FBXO34: variants seen among roughly 807,000 people sequenced by gnomAD.
FBXO34 encodes F-box only protein 34.
A neutral mutation model predicts 24.5 loss-of-function variants in FBXO34; 12 were observed. The ratio of observed to expected loss-of-function variants is 0.49; its 90% CI spans 0.31 to 0.79. The LOEUF is 0.79. Ranked by LOEUF, FBXO34 falls within the 30% of genes least tolerant of loss-of-function variation. The pLI is 0.04. For synonymous variants in FBXO34, 320 were observed against 311.9 expected (o/e 1.03, Z -0.27); for missense variants, 823 against 857.7 (o/e 0.96, Z 0.51).
intron 1 of FBXO34, among the ~76,000 whole-genome samples, chr14:55,314,361 G>A (rs916372899): frequency 6.6e-6 from 1 of 152,190 alleles, no homozygotes; most frequent in Non-Finnish European, 1.5e-5. Context: ...TTGACAGACT[G>A]TAGCCTTGCA....
chr14:55,352,357 A>G lies in FBXO34; in HGVS notation c.1967A>G (p.Gln656Arg). ...LCRWHPKPYC[Q>R]ALPYGPGYWM... is the part of the protein sequence containing the mutation. ...CGATGGCACCCCAAGCCCTATTGCCAGGCATTGCCCTATGGGCCAGGGTAT... is the reference window on the plus strand; with the variant it reads ...CGATGGCACCCCAAGCCCTATTGCCGGGCATTGCCCTATGGGCCAGGGTAT... The change falls in exon 2 of 2, where the codon CAG becomes CGG. Residue 656 changes from glutamine (Q) to arginine (R), a missense_variant. Gln to Arg is a conservative substitution (Grantham distance 43). Around this residue, in one of 2 missense-constraint regions of FBXO34, gnomAD observed 130 missense variants for 198.6 expected, o/e 0.65. Coordinates refer to ENST00000313833, the MANE Select transcript of FBXO34 (RefSeq NM_017943.4). 6.2e-7 allele frequency: 1 copy of G among 1,614,232 alleles called. No individual in the cohort carries two copies. Among genetic ancestry groups the G allele is most frequent in the Non-Finnish European group, 8.5e-7 (1 of 1,180,036 alleles).
rs1467263808 is a variant in FBXO34 at position 55,352,417 on chromosome 14, C to T, written c.2027C>T (p.Pro676Leu). The T allele has an allele frequency of 1.2e-6, 2 of 1,614,230 alleles. No homozygotes were observed. Among genetic ancestry groups the T allele is most frequent in the Non-Finnish European group, 1.7e-6 (2 of 1,180,040 alleles). The change falls in exon 2 of 2, where the codon CCT becomes CTT. Residue 676 changes from proline to leucine, a missense_variant. Around this residue, in one of 2 missense-constraint regions of FBXO34, gnomAD observed 130 missense variants for 198.6 expected, o/e 0.65. Coordinates refer to ENST00000313833, the MANE Select transcript of FBXO34 (RefSeq NM_017943.4). ...TGCCACCGGTCTCAGAAAGGATTCC[C>T]TGGCTGTAAGCTGGGGCTTCATGAC... is the stretch of plus-strand genomic sequence containing the variant. ...MCCHRSQKGF[P>L]GCKLGLHDNH...
the FBXO34 span, among the ~76,000 whole-genome samples, chr14:55,417,604 C>G: frequency 6.6e-6 from 1 of 152,084 alleles, no homozygotes; most frequent in Admixed American, 6.6e-5. Context: ...GGATTACAGG[C>G]AAGCACCACC....
chr14:55,364,591 ATT>A (rs1293886460), downstream of FBXO34, among the ~76,000 whole-genome samples: 1 of 149,814 alleles, frequency 6.7e-6, no homozygotes, highest in African/African-American at 2.5e-5. Context: ...CACCTGGCTA[ATT>A]TTTTTTTGTA....
At chr14:55,416,043 A>G in the FBXO34 span, among the ~76,000 whole-genome samples, 1,870 of 152,294 alleles carry the variant, frequency 0.012, 11 homozygotes, top group Middle Eastern at 0.024. Flanking sequence ...AGTTAAATCC[A>G]TGGAGACAGA....
the FBXO34 span, among the ~76,000 whole-genome samples, chr14:55,384,982 C>T: frequency 2.6e-5 from 4 of 152,326 alleles, no homozygotes; most frequent in East Asian, 7.7e-4. Flanking sequence ...AACCACTGTC[C>T]TGTCTGTCCC....
intron 1 of FBXO34, among the ~76,000 whole-genome samples, chr14:55,319,826 C>T (rs780415148): frequency 6.6e-6 from 1 of 152,152 alleles, no homozygotes; most frequent in Non-Finnish European, 1.5e-5. Context: ...TGGGTGCCCG[C>T]CACCACGCCC....
At chr14:55,365,110 A>C (rs1244759290), downstream of FBXO34, among the ~76,000 whole-genome samples, 1 of 147,484 alleles carries the variant, frequency 6.8e-6, no homozygotes, top group East Asian at 2.0e-4. Flanking sequence ...CTGCCTCAGG[A>C]GGCTGAGGCA....
the FBXO34 span, among the ~76,000 whole-genome samples, chr14:55,399,002 C>T: frequency 6.6e-6 from 1 of 151,996 alleles, no homozygotes; most frequent in Admixed American, 6.6e-5. Flanking sequence ...TATTTCCCAG[C>T]AAAAAGGAAA....
At chr14:55,380,857 A>G in the FBXO34 span, among the ~76,000 whole-genome samples, 1,058 of 91,750 alleles carry the variant, frequency 0.012, 5 homozygotes, top group South Asian at 0.026. Context: ...CTTTGTGTGT[A>G]TATATATATA....
chr14:55,401,494 A>G, the FBXO34 span, among the ~76,000 whole-genome samples: 1 of 151,916 alleles, frequency 6.6e-6, no homozygotes, highest in South Asian at 2.1e-4. Context: ...TTACAACACT[A>G]TTTTCCGTAT....
chr14:55,297,545 CT>C (rs1386095887), intron 1 of FBXO34, among the ~76,000 whole-genome samples: 1 of 152,118 alleles, frequency 6.6e-6, no homozygotes, highest in African/African-American at 2.4e-5. Flanking sequence ...TTTCCTTTCT[CT>C]TTGCCAGCAA....
At chr14:55,391,471 T>TAAAAAAAAAAAAA in the FBXO34 span, among the ~76,000 whole-genome samples, 14 of 75,760 alleles carry the variant, frequency 1.8e-4, no homozygotes, top group South Asian at 5.1e-4. Context: ...TGAGACTCCA[T>TAAAAAAAAAAAAA]AAAAAAAAAA....
intron 1 of FBXO34, among the ~76,000 whole-genome samples, chr14:55,277,637 G>A (rs948921037): frequency 5.3e-5 from 8 of 152,230 alleles, no homozygotes; most frequent in Middle Eastern, 3.4e-3. Flanking sequence ...CATGTACCAC[G>A]GGCTTAGTCT....
chr14:55,346,882 A>G (rs1221247631), intron 1 of FBXO34, among the ~76,000 whole-genome samples: 1 of 152,142 alleles, frequency 6.6e-6, no homozygotes, highest in Admixed American at 6.5e-5. Context: ...TCTGCTTGGC[A>G]TTTTGTTGGG....
chr14:55,411,636 C>A, the FBXO34 span: 1 of 1,612,880 alleles, frequency 6.2e-7, no homozygotes, highest in South Asian at 1.1e-5. Context: ...TAGACGAAAT[C>A]GCCGCTCTGA....
the FBXO34 span, chr14:55,433,858 T>A: frequency 1.6e-6 from 1 of 633,360 alleles, no homozygotes; most frequent in East Asian, 2.7e-5. Context: ...CTCCCTACAT[T>A]AAGGTTAACA....
At chr14:55,357,444 A>G (rs971611368), downstream of FBXO34, among the ~76,000 whole-genome samples, 1 of 152,194 alleles carries the variant, frequency 6.6e-6, no homozygotes, top group Non-Finnish European at 1.5e-5. Context: ...CCTCAGAACA[A>G]ACTCCTTTTG....
chr14:55,442,320 C>G, the FBXO34 span, among the ~76,000 whole-genome samples: 4 of 150,798 alleles, frequency 2.7e-5, no homozygotes, highest in Non-Finnish European at 5.9e-5. Flanking sequence ...ACCTGGGAGG[C>G]CGAGGTTGCA....
Sources: allele counts gnomAD v4.1 joint callset (sites outside exome capture counted in the v4.1 genomes callset), GRCh38; gene constraint gnomAD v4.1.1; regional missense constraint gnomAD v4.1.1; transcripts MANE v1.5; gene names NCBI Gene and HGNC (gene_info 2026-07-23, HGNC 2026-07-21).